The following EYA1 variants were observed in gnomAD, a reference collection of about 807,000 sequenced individuals.
The protein encoded by EYA1 is EYA transcriptional coactivator and phosphatase 1, also known as protein phosphatase EYA1.
Under a neutral mutation model 82.0 loss-of-function variants are expected in EYA1, and 16 were observed. The observed-to-expected ratio is 0.20, with a 90% CI of 0.13 to 0.30. The LOEUF is 0.30. Among genes scored for constraint, EYA1 ranks in the 10% least tolerant of loss-of-function variants. The pLI, the probability that EYA1 is intolerant of heterozygous loss-of-function variation, is 1.00. For synonymous variants in EYA1, 261 were observed against 264.4 expected, an observed-to-expected ratio of 0.99 and a Z score of 0.12; for missense variants, 633 against 730.7, an observed-to-expected ratio of 0.87 and a Z score of 1.54.
At chr8:71,507,891 C>T (rs557853041) in intron 2 of EYA1, among the ~76,000 whole-genome samples, 125 of 152,160 alleles carry the variant, frequency 8.2e-4, no homozygotes, top group Non-Finnish European at 1.5e-3. Flanking sequence ...CTTGGCCTAA[C>T]CTCAAAACAT....
At chr8:71,507,327 T>G (rs2129245153) in intron 2 of EYA1, among the ~76,000 whole-genome samples, 1 of 152,314 alleles carries the variant, frequency 6.6e-6, no homozygotes, top group South Asian at 2.1e-4. Context: ...CTATGAATAC[T>G]TCCTTTTATA....
intron 2 of EYA1, among the ~76,000 whole-genome samples, chr8:71,423,922 T>C (rs1221788341): frequency 6.6e-6 from 1 of 152,238 alleles, no homozygotes; most frequent in African/African-American, 2.4e-5. Context: ...CTCCAGCTAG[T>C]AAATTGTTTT....
At chr8:71,272,521 C>T (rs1019529186) in intron 9 of EYA1, among the ~76,000 whole-genome samples, 25 of 152,070 alleles carry the variant, frequency 1.6e-4, no homozygotes, top group African/African-American at 6.0e-4. Context: ...CCCTTTGAAC[C>T]AAACATCCAA....
chr8:71,264,579 AT>A (rs35415877), intron 11 of EYA1, among the ~76,000 whole-genome samples: 57,389 of 142,218 alleles, frequency 0.4, 12,412 homozygotes, highest in African/African-American at 0.64. Flanking sequence ...GAGCAATTCA[AT>A]TTTTTTTTTT....
intron 17 of EYA1, among the ~76,000 whole-genome samples, chr8:71,202,319 A>G (rs1807138515): frequency 6.6e-6 from 1 of 152,184 alleles, no homozygotes; most frequent in African/African-American, 2.4e-5. Flanking sequence ...ATAGTAAACA[A>G]AGGACTGGTT....
At chr8:71,431,010 C>T (rs901965591) in intron 2 of EYA1, among the ~76,000 whole-genome samples, 1 of 151,842 alleles carries the variant, frequency 6.6e-6, no homozygotes, top group African/African-American at 2.4e-5. Context: ...CCAAAACTTT[C>T]TAGGATATAA....
chr8:71,390,046 C>T (rs759781476), intron 2 of EYA1, among the ~76,000 whole-genome samples: 1 of 151,878 alleles, frequency 6.6e-6, no homozygotes, highest in Non-Finnish European at 1.5e-5. Context: ...TATTTTTTCT[C>T]CTTTAAGATT....
At chr8:71,295,378 A>G (rs1195450212) in intron 9 of EYA1, among the ~76,000 whole-genome samples, 1 of 152,244 alleles carries the variant, frequency 6.6e-6, no homozygotes, top group Non-Finnish European at 1.5e-5. Context: ...AAACCCAACA[A>G]TAAGAAAACA....
At chr8:71,360,243 A>G (rs1402887817) in intron 1 of EYA1, among the ~76,000 whole-genome samples, 3 of 152,204 alleles carry the variant, frequency 2.0e-5, no homozygotes, top group African/African-American at 7.2e-5. Context: ...TTTAAACCAC[A>G]TGGATGCTAC....
chr8:71,367,203 G>T (rs1402565083), intron 2 of EYA1, among the ~76,000 whole-genome samples: 2 of 152,042 alleles, frequency 1.3e-5, no homozygotes, highest in Non-Finnish European at 2.9e-5. Context: ...AAGAGTCTGA[G>T]TTTACAATAA....
At chr8:71,343,027 GAGA>G (rs1219760023) in intron 3 of EYA1, among the ~76,000 whole-genome samples, 1 of 152,120 alleles carries the variant, frequency 6.6e-6, no homozygotes, top group Non-Finnish European at 1.5e-5. Context: ...TAAGAACAAA[GAGA>G]AGGAGGTTTT....
intron 1 of EYA1, 23 bp from the exon 2 acceptor site, chr8:71,356,534 TAGA>T (rs1316818968): frequency 1.6e-5 from 25 of 1,556,518 alleles, no homozygotes; most frequent in Middle Eastern, 3.3e-4. Context: ...GTAAAAAAAT[TAGA>T]AGATGTTGTT....
At chr8:71,541,205 A>T (rs1366594769) in intron 1 of EYA1, among the ~76,000 whole-genome samples, 1 of 152,240 alleles carries the variant, frequency 6.6e-6, no homozygotes, top group Non-Finnish European at 1.5e-5. Flanking sequence ...GGTATATCCC[A>T]ACCACTGAAG....
At chr8:71,522,035 T>C (rs779360652) in intron 2 of EYA1, among the ~76,000 whole-genome samples, 6 of 152,204 alleles carry the variant, frequency 3.9e-5, no homozygotes, top group Non-Finnish European at 7.4e-5. Context: ...GGGACTTTAC[T>C]ACATCATGGG....
chr8:71,505,698 T>C (rs189896965), intron 2 of EYA1, among the ~76,000 whole-genome samples: 87 of 152,320 alleles, frequency 5.7e-4, no homozygotes, highest in Non-Finnish European at 1.1e-3. Flanking sequence ...TCCAGAAATA[T>C]TGGCCCCTTG....
At chr8:71,428,849 A>G (rs994043926) in intron 2 of EYA1, among the ~76,000 whole-genome samples, 1 of 152,130 alleles carries the variant, frequency 6.6e-6, no homozygotes, top group Non-Finnish European at 1.5e-5. Flanking sequence ...CAAGAGAGAA[A>G]GCTGAAATCT....
At chr8:71,465,480 G>A (rs1029727569) in intron 2 of EYA1, among the ~76,000 whole-genome samples, 5 of 152,028 alleles carry the variant, frequency 3.3e-5, no homozygotes, top group Non-Finnish European at 7.4e-5. Context: ...AAAATTAGCC[G>A]GGTATGGTGG....
chr8:71,208,202 G>A (rs1231777141), intron 17 of EYA1, among the ~76,000 whole-genome samples: 1 of 152,046 alleles, frequency 6.6e-6, no homozygotes, highest in Non-Finnish European at 1.5e-5. Flanking sequence ...GGAGGCAGAG[G>A]CGAGTGGATC....
In EYA1 at chr8:71,508,605, C is replaced by T. The variant is rs958871390; in HGVS notation, c.33+27139G>A. Among the ~76,000 whole-genome samples, 5 of 152,202 alleles carry T rather than the reference C, an allele frequency of 3.3e-5. No homozygotes were observed. The East Asian group carries it at 9.7e-4, about 29-fold the overall frequency. On this transcript the variant is annotated intron_variant, in intron 2 of 18. Transcript: ENST00000643681. ...AGCCCTCCTGAATGGGATTAGTGGC[C>T]TTATAAAAGGGGCCCAAGGTTGCTC...
Sources: allele counts gnomAD v4.1 joint callset (sites outside exome capture counted in the v4.1 genomes callset), GRCh38; gene constraint gnomAD v4.1.1; transcripts MANE v1.5; gene names NCBI Gene and HGNC (gene_info 2026-07-23, HGNC 2026-07-21).